The following SUDS3 variants were observed in gnomAD, a reference collection of about 807,000 sequenced individuals.
The protein encoded by SUDS3 is sin3 histone deacetylase corepressor complex component SDS3.
A neutral mutation model predicts 53.5 loss-of-function variants in SUDS3; 23 were observed. That is an observed-to-expected ratio of 0.43 (90% confidence interval 0.31 to 0.61). The LOEUF (loss-of-function observed/expected upper bound fraction) is 0.61, where lower values mean the gene tolerates loss of function less well. SUDS3 is among the 20% of genes least tolerant of loss of function. The pLI, the probability that SUDS3 is intolerant of heterozygous loss-of-function variation, is 0.10. For missense variants in SUDS3, 291 were observed against 405.9 expected, an observed-to-expected ratio of 0.72 and a Z score of 2.43; for synonymous variants, 150 against 148.5, an observed-to-expected ratio of 1.01 and a Z score of -0.08.
chr12:118,389,884 G>A, intron 4 of SUDS3, 43 bp from the exon 5 acceptor site: 1 of 1,613,422 alleles, frequency 6.2e-7, no homozygotes, highest in Non-Finnish European at 8.5e-7. Flanking sequence ...CTAGAAAGGT[G>A]GCACAGCCTA....
intron 6 of SUDS3, among the ~76,000 whole-genome samples, chr12:118,394,877 G>A (rs1699033633): frequency 6.6e-6 from 1 of 152,054 alleles, no homozygotes; most frequent in Non-Finnish European, 1.5e-5. Flanking sequence ...GTAGAGATAG[G>A]GTTTTGCCAT....
chr12:118,385,819 G>A (rs1432557943), intron 3 of SUDS3, among the ~76,000 whole-genome samples: 1 of 152,198 alleles, frequency 6.6e-6, no homozygotes, highest in Non-Finnish European at 1.5e-5. Flanking sequence ...AGGAAGGCCC[G>A]TTGATTCAGA....
intron 2 of SUDS3, among the ~76,000 whole-genome samples, chr12:118,380,629 C>T (rs1052527969): frequency 7.9e-5 from 12 of 152,184 alleles, no homozygotes; most frequent in African/African-American, 2.7e-4. Flanking sequence ...TTGTTGAGTA[C>T]TCTCTAGAAA....
At chr12:118,408,749 C>T (rs927082673) in intron 10 of SUDS3, among the ~76,000 whole-genome samples, 1 of 151,856 alleles carries the variant, frequency 6.6e-6, no homozygotes, top group African/African-American at 2.4e-5. Context: ...TAATATTCTA[C>T]ACCACATCCA....
chr12:118,410,547 A>T lies in SUDS3; in HGVS notation c.804-526A>T, dbSNP rs2046348598. Among the ~76,000 whole-genome samples the T allele has an allele frequency of 4.0e-5, 6 of 151,408 alleles. No individual in the cohort carries two copies. The South Asian group carries it at 1.3e-3, about 32-fold the overall frequency. ...GATTAGGTGGTCTTCTAACCTAAGG[A>T]TGGAAGCCTTTATTTATTTATTTAT... is the stretch of plus-strand genomic sequence containing the variant. On this transcript the variant is annotated intron_variant, in intron 10 of 11. Transcript: ENST00000543473.
chr12:118,384,604 G>A (rs769444971), intron 3 of SUDS3, among the ~76,000 whole-genome samples: 4 of 152,152 alleles, frequency 2.6e-5, no homozygotes, highest in Non-Finnish European at 4.4e-5. Context: ...AGGCCGAGGC[G>A]GGTGGATCAC....
intron 4 of SUDS3, among the ~76,000 whole-genome samples, chr12:118,387,011 G>A (rs1281221914): frequency 1.3e-5 from 2 of 152,162 alleles, no homozygotes; most frequent in Non-Finnish European, 2.9e-5. Context: ...AATGAGGGTT[G>A]GGTGCCACTC....
intron 6 of SUDS3, among the ~76,000 whole-genome samples, chr12:118,394,804 G>T (rs7305467): frequency 6.6e-6 from 1 of 152,122 alleles, no homozygotes; most frequent in Non-Finnish European, 1.5e-5. Context: ...TCCCACCTCA[G>T]CCTCCTGAGT....
chr12:118,393,399 G>A (rs1029417696), intron 6 of SUDS3, among the ~76,000 whole-genome samples: 11 of 152,234 alleles, frequency 7.2e-5, no homozygotes, highest in East Asian at 1.9e-4. Context: ...TGTATTTGGC[G>A]ACCTGCTCTT....
chr12:118,383,048 A>C (rs746088209), intron 2 of SUDS3, among the ~76,000 whole-genome samples: 23 of 152,208 alleles, frequency 1.5e-4, no homozygotes, highest in Non-Finnish European at 3.1e-4. Flanking sequence ...TCTAAAGTGC[A>C]TCAGAATTTG....
intron 10 of SUDS3, chr12:118,404,140 C>G (rs1310631889): frequency 6.6e-6 from 1 of 152,258 alleles, no homozygotes; most frequent in Non-Finnish European, 1.5e-5. Context: ...GAGACGGAGT[C>G]TTGCTCTGTC....
At chr12:118,408,273 A>T (rs949555067) in intron 10 of SUDS3, among the ~76,000 whole-genome samples, 2 of 151,522 alleles carry the variant, frequency 1.3e-5, no homozygotes, top group Non-Finnish European at 2.9e-5. Flanking sequence ...AGCTCAGGCA[A>T]TCCACCCACC....
intron 5 of SUDS3, among the ~76,000 whole-genome samples, chr12:118,390,495 A>G (rs1360237888): frequency 6.6e-6 from 1 of 152,154 alleles, no homozygotes; most frequent in Non-Finnish European, 1.5e-5. Context: ...ATGGTTTTTC[A>G]GAGCCACATT....
rs911721137 is a variant in SUDS3, at chr12:118,393,666, T to G, written c.517+2384T>G. 3.3e-5 allele frequency among the ~76,000 whole-genome samples: 5 copies of G among 151,684 alleles called. No individual in the cohort carries two copies. The East Asian group carries it at 9.7e-4, about 29-fold the overall frequency. ...TCCTGCATTTCTTTCTTTCTTTTTT[T>G]TTTTTAAATTTAATTTTTTTTTGAG... On this transcript the variant is annotated intron_variant, in intron 6 of 11. Transcript: ENST00000543473.
intron 5 of SUDS3, 145 bp downstream of exon 5, chr12:118,390,091 C>T: frequency 1.0e-6 from 1 of 996,904 alleles, no homozygotes; most frequent in Non-Finnish European, 1.6e-6. Flanking sequence ...GACATTTGGT[C>T]TCAGCTCAGA....
At chr12:118,389,473 C>T (rs1451282604) in intron 4 of SUDS3, among the ~76,000 whole-genome samples, 1 of 151,604 alleles carries the variant, frequency 6.6e-6, no homozygotes, top group Non-Finnish European at 1.5e-5. Flanking sequence ...GTTTTTTGCC[C>T]TCAGGCAGAA....
chr12:118,386,524 G>A (rs1174702271), intron 4 of SUDS3, among the ~76,000 whole-genome samples: 1 of 151,600 alleles, frequency 6.6e-6, no homozygotes, highest in Non-Finnish European at 1.5e-5. Flanking sequence ...GAAAAGGATT[G>A]TAGGTTGTTT....
rs1354240343 is a variant in SUDS3 at position 118,411,082 on chromosome 12, G to A, written c.813G>A (p.Lys271=). Residue 271 remains lysine, a synonymous_variant, in exon 11 of 12, where the codon AAG becomes AAA. Coordinates refer to ENST00000543473, the MANE Select transcript of SUDS3 (RefSeq NM_022491.3). ...GCCTTGTTTTTGTCAGGTACCACAA[G>A]AGCCAGGCCATCTATCTGGAGTCAA... ...KLYYDKRWYH[K]SQAIYLESKD... 6.2e-7 allele frequency: 1 copy of A among 1,605,392 alleles called. No individual in the cohort carries two copies. The highest frequency in any genetic ancestry group is 8.5e-7 in the Non-Finnish European group (1 of 1,175,994).
At chr12:118,393,170 G>T (rs2046183128) in intron 6 of SUDS3, among the ~76,000 whole-genome samples, 1 of 152,174 alleles carries the variant, frequency 6.6e-6, no homozygotes, top group Admixed American at 6.5e-5. Flanking sequence ...CACAGATGGC[G>T]CTGCTATGGT....
Sources: allele counts gnomAD v4.1 joint callset (sites outside exome capture counted in the v4.1 genomes callset), GRCh38; gene constraint gnomAD v4.1.1; transcripts MANE v1.5; gene names NCBI Gene and HGNC (gene_info 2026-07-23, HGNC 2026-07-21).